EXOSC7: variants seen among roughly 807,000 people sequenced by gnomAD.
EXOSC7 encodes exosome complex component RRP42.
EXOSC7 carries 25 observed loss-of-function variants against 34.3 expected under a neutral mutation model. The ratio of observed to expected loss-of-function variants is 0.73; its 90% CI spans 0.53 to 1.02. EXOSC7 has a LOEUF of 1.02. EXOSC7 is among the 50% of genes least tolerant of loss of function. The pLI, the probability that EXOSC7 is intolerant of heterozygous loss-of-function variation, is 0.00. For missense variants in EXOSC7, 370 were observed against 368.5 expected (o/e 1.00, Z -0.03); for synonymous variants, 130 against 143.0 (o/e 0.91, Z 0.65).
intron 3 of EXOSC7, among the ~76,000 whole-genome samples, chr3:44,995,171 C>T (rs920723559): frequency 3.3e-5 from 5 of 151,970 alleles, no homozygotes; most frequent in Admixed American, 1.3e-4. Context: ...TTAGTAGAGA[C>T]GGGGTTTCTA....
intron 1 of EXOSC7, 152 bp downstream of exon 1, chr3:44,976,486 A>G (rs1706032784): frequency 8.7e-6 from 6 of 689,840 alleles, no homozygotes; most frequent in African/African-American, 3.9e-5. Flanking sequence ...GGCGTTTGCA[A>G]TTCAGAGCTG....
intron 1 of EXOSC7, among the ~76,000 whole-genome samples, chr3:44,986,173 G>A (rs771987529): frequency 7.0e-5 from 10 of 143,300 alleles, no homozygotes; most frequent in African/African-American, 1.6e-4. Flanking sequence ...AGGGGGCAGC[G>A]CTCCTTGGGG....
chr3:45,003,876 T>C (rs1430164116), intron 5 of EXOSC7, among the ~76,000 whole-genome samples: 4 of 152,194 alleles, frequency 2.6e-5, no homozygotes, highest in African/African-American at 9.7e-5. Context: ...CACTAAGCAT[T>C]GTGTTTTGAG....
chr3:44,983,402 T>C (rs1276504405), intron 1 of EXOSC7, among the ~76,000 whole-genome samples: 2 of 152,232 alleles, frequency 1.3e-5, no homozygotes, highest in Non-Finnish European at 2.9e-5. Context: ...CTTGTAACTC[T>C]GTAAGGTCGG....
rs557203867 is a variant in EXOSC7, at chr3:44,999,689, TA to T, written c.421-1836del. ...GGGCAACAGAGTGAGAATCCATCTT[TA>T]AAAAAAAAAAAAGTTGTCATCTTCA... On this transcript the variant is annotated intron_variant, in intron 4 of 7. Coordinates refer to ENST00000265564, the MANE Select transcript of EXOSC7 (RefSeq NM_015004.4). Among the ~76,000 whole-genome samples, 785 of 144,086 alleles carry T rather than the reference TA, an allele frequency of 5.4e-3. 4 individuals are homozygous for T. Among genetic ancestry groups the T allele is most frequent in the East Asian group, 0.019 (93 of 5,026 alleles). The allele number at this position is 144,086 out of a possible 152,430, so 94.5% of individuals were successfully genotyped here.
chr3:44,978,801 G>A (rs1706193980), intron 1 of EXOSC7, among the ~76,000 whole-genome samples: 1 of 152,202 alleles, frequency 6.6e-6, no homozygotes, highest in Admixed American at 6.5e-5. Context: ...CACGATCCTA[G>A]AGGTCTTAGA....
chr3:44,987,489 T>C (rs1706454189), intron 1 of EXOSC7, among the ~76,000 whole-genome samples: 1 of 152,222 alleles, frequency 6.6e-6, no homozygotes, highest in Non-Finnish European at 1.5e-5. Context: ...GGAGAAGCGC[T>C]TGAACGCAGG....
chr3:45,004,444 TG>T (rs1483218072), intron 5 of EXOSC7: 7 of 151,838 alleles, frequency 4.6e-5, no homozygotes, highest in Non-Finnish European at 7.4e-5. Context: ...TTAGTAGAGA[TG>T]GGGTTTCACC....
At chr3:45,008,116 C>G (rs907708610) in intron 7 of EXOSC7, among the ~76,000 whole-genome samples, 1 of 152,210 alleles carries the variant, frequency 6.6e-6, no homozygotes, top group Non-Finnish European at 1.5e-5. Context: ...GCCATCAAGG[C>G]GCTTCTACAG....
intron 5 of EXOSC7, among the ~76,000 whole-genome samples, chr3:45,003,973 G>A (rs1706957439): frequency 6.6e-6 from 1 of 152,124 alleles, no homozygotes; most frequent in Admixed American, 6.5e-5. Flanking sequence ...TGTTTATCCA[G>A]TCTACTGTCC....
At chr3:45,010,586 G>A (rs1417880215) in intron 7 of EXOSC7, among the ~76,000 whole-genome samples, 1 of 151,648 alleles carries the variant, frequency 6.6e-6, no homozygotes, top group Non-Finnish European at 1.5e-5. Flanking sequence ...TTTTGTTTTT[G>A]TTTTTTTTAC....
chr3:44,977,874 T>G (rs1469327843), intron 1 of EXOSC7, among the ~76,000 whole-genome samples: 1 of 152,248 alleles, frequency 6.6e-6, no homozygotes, highest in Non-Finnish European at 1.5e-5. Context: ...GGCATGGATA[T>G]ATCTGTAACC....
At chr3:44,994,674 T>G (rs1359782688) in intron 3 of EXOSC7, among the ~76,000 whole-genome samples, 1 of 152,142 alleles carries the variant, frequency 6.6e-6, no homozygotes, top group Non-Finnish European at 1.5e-5. Context: ...TCTGTGGCTT[T>G]CTTATGTTGC....
chr3:44,976,269 CT>C lies in EXOSC7; in HGVS notation c.-8del. ...AGATGACGTGCGGCTCGTGGGGCAG[CT>C]CGGCAGCATGGCGTCCGTGACGCTG... is the stretch of plus-strand genomic sequence containing the variant. On this transcript the variant is annotated 5_prime_UTR_variant, in exon 1 of 8. Coordinates refer to ENST00000265564, the MANE Select transcript of EXOSC7 (RefSeq NM_015004.4). 6.4e-7 allele frequency: 1 copy of C among 1,554,158 alleles called. No individual in the cohort carries two copies. The highest frequency in any genetic ancestry group is 2.6e-5 in the East Asian group (1 of 37,926).
rs138523170 is a variant in EXOSC7 at position 44,984,450 on chromosome 3, G to C, written c.58-4690G>C. ...CCACTGCACTACAGCCTGGGTGACAGAGTGAGATCCTGTCTCAAAAAAAAA... is the reference window on the plus strand; with the variant it reads ...CCACTGCACTACAGCCTGGGTGACACAGTGAGATCCTGTCTCAAAAAAAAA... On this transcript the variant is annotated intron_variant, in intron 1 of 7. Transcript: ENST00000265564. 5.5e-3 allele frequency among the ~76,000 whole-genome samples: 826 copies of C among 151,496 alleles called. 9 individuals carry two copies. Among genetic ancestry groups the C allele is most frequent in the African/African-American group, 0.019 (800 of 41,290 alleles).
At chr3:44,986,155 C>T (rs975772858) in intron 1 of EXOSC7, among the ~76,000 whole-genome samples, 7 of 112,356 alleles carry the variant, frequency 6.2e-5, no homozygotes, top group Admixed American at 1.2e-4. Flanking sequence ...GACTGGGCGC[C>T]GTGGAGCAGG....
At chr3:45,006,777 A>G (rs1469192825) in intron 6 of EXOSC7, among the ~76,000 whole-genome samples, 1 of 151,634 alleles carries the variant, frequency 6.6e-6, no homozygotes, top group Non-Finnish European at 1.5e-5. Context: ...ATCTAGGCTC[A>G]CTGCAACCTC....
chr3:45,004,555 G>GTTTTTTT (rs372215146), intron 5 of EXOSC7: 5 of 123,614 alleles, frequency 4.0e-5, no homozygotes, highest in Admixed American at 8.8e-5. Flanking sequence ...CATGCCTGGC[G>GTTTTTTT]TTTTTTTTTT....
At position 44,997,186 on chromosome 3, in the gene EXOSC7, T is replaced by G. The variant is rs760162007; in HGVS notation, c.354T>G (p.Ser118Arg). 4 of 1,613,922 alleles carry G rather than the reference T, an allele frequency of 2.5e-6. No homozygotes were observed. The highest frequency in any genetic ancestry group is 3.4e-6 in the Non-Finnish European group (4 of 1,180,012). Residue 118 changes from serine to arginine, a missense_variant, in exon 4 of 8, where the codon AGT becomes AGG. Transcript: ENST00000265564. Reference protein sequence around the residue: ...TLYRIFNNKSSVDLKTLCISP... With the variant: ...TLYRIFNNKSRVDLKTLCISP... ...ATCGGATATTTAACAATAAAAGCAG[T>G]GTCGACTTAAAGACCCTCTGCATTA...
Sources: gnomAD v4.1 joint callset for allele counts (sites outside exome capture counted in the v4.1 genomes callset) on GRCh38, gnomAD v4.1.1 for gene constraint, MANE v1.5 for transcripts, NCBI Gene and HGNC (gene_info 2026-07-23, HGNC 2026-07-21) for gene names.